The following DENND1A variants were observed in gnomAD, a reference collection of about 807,000 sequenced individuals.
DENND1A encodes DENN domain-containing protein 1A.
In DENND1A, 51 loss-of-function variants were observed where a neutral mutation model predicts 113.7. The observed-to-expected ratio is 0.45, with a 90% CI of 0.36 to 0.57. The LOEUF (loss-of-function observed/expected upper bound fraction) is 0.57, where lower values mean the gene tolerates loss of function less well. Among genes scored for constraint, DENND1A ranks in the 20% least tolerant of loss-of-function variants. The pLI is 0.00. For missense variants in DENND1A, 1,258 were observed against 1,395.9 expected, an observed-to-expected ratio of 0.90 and a Z score of 1.57; for synonymous variants, 565 against 570.8, an observed-to-expected ratio of 0.99 and a Z score of 0.14.
intron 12 of DENND1A, among the ~76,000 whole-genome samples, chr9:123,560,538 G>C (rs1448413218): frequency 2.6e-5 from 4 of 151,880 alleles, no homozygotes; most frequent in African/African-American, 9.7e-5. Flanking sequence ...AATATAAAAA[G>C]ATTTAGCCAG....
chr9:123,515,678 T>A (rs904572771), intron 13 of DENND1A, among the ~76,000 whole-genome samples: 1 of 152,214 alleles, frequency 6.6e-6, no homozygotes, highest in Non-Finnish European at 1.5e-5. Context: ...TAGAGATGCT[T>A]ACTAATTAAT....
intron 19 of DENND1A, among the ~76,000 whole-genome samples, chr9:123,419,717 T>C (rs1203521820): frequency 1.3e-5 from 2 of 152,262 alleles, no homozygotes; most frequent in Non-Finnish European, 2.9e-5. Flanking sequence ...GCTTTTGATA[T>C]GCCTCCAAAA....
rs760329539 is a variant in DENND1A, at chr9:123,387,778, G to A, written c.1712C>T (p.Pro571Leu). 18 of 1,289,422 alleles carry A rather than the reference G, an allele frequency of 1.4e-5. No individual in the cohort carries two copies. The highest frequency in any genetic ancestry group is 4.6e-5 in the Admixed American group (2 of 43,518). The allele number at this position is 1,289,422 out of a possible 1,614,324, so 79.9% of individuals were successfully genotyped here. Residue 571 changes from proline (P) to leucine (L), a missense_variant, in exon 22 of 24, where the codon CCG becomes CTG. Pro to Leu is a moderately conservative substitution (Grantham distance 98). Around this residue, in one of 2 missense-constraint regions of DENND1A, gnomAD observed 1,159 missense variants for 1,231.7 expected, o/e 0.94. Coordinates refer to ENST00000394215, the MANE Select transcript of DENND1A (RefSeq NM_001352964.2). ...AAAGCTCTCGGTGAAGCCAGAGCTC[G>A]GGCCCTCTTCCCGCTGGCATTCATC... ...SDDECQREEG[P>L]SSGFTESFFF...
chr9:123,600,896 C>T (rs1373726504), intron 11 of DENND1A, among the ~76,000 whole-genome samples: 1 of 152,060 alleles, frequency 6.6e-6, no homozygotes, highest in Non-Finnish European at 1.5e-5. Flanking sequence ...GAACTCAGGT[C>T]CATATGACTC....
At chr9:123,652,946 A>C (rs1369227134) in intron 8 of DENND1A, among the ~76,000 whole-genome samples, 2 of 152,142 alleles carry the variant, frequency 1.3e-5, no homozygotes, top group African/African-American at 4.8e-5. Context: ...TTCTATACCC[A>C]CCTGACTTTA....
At chr9:123,803,792 T>C (rs1564301255) in intron 2 of DENND1A, among the ~76,000 whole-genome samples, 1 of 152,230 alleles carries the variant, frequency 6.6e-6, no homozygotes, top group East Asian at 1.9e-4. Flanking sequence ...CTTTTCTTTG[T>C]AGCTATATTC....
intron 2 of DENND1A, among the ~76,000 whole-genome samples, chr9:123,865,326 G>C (rs1423815697): frequency 6.6e-6 from 1 of 152,202 alleles, no homozygotes; most frequent in Non-Finnish European, 1.5e-5. Flanking sequence ...GCAAAAACAA[G>C]AGAAATTAGG....
At chr9:123,525,341 TG>T (rs1209563208) in intron 13 of DENND1A, among the ~76,000 whole-genome samples, 1 of 152,090 alleles carries the variant, frequency 6.6e-6, no homozygotes, top group Non-Finnish European at 1.5e-5. Flanking sequence ...TGGGGGTAAG[TG>T]GGAAGATGAC....
intron 15 of DENND1A, among the ~76,000 whole-genome samples, chr9:123,455,254 T>C (rs2048029585): frequency 6.6e-6 from 1 of 152,200 alleles, no homozygotes; most frequent in African/African-American, 2.4e-5. Flanking sequence ...GTACCCTGAC[T>C]GCAAACTCAG....
chr9:123,479,954 T>A (rs1439457239), intron 13 of DENND1A, among the ~76,000 whole-genome samples: 4 of 152,192 alleles, frequency 2.6e-5, no homozygotes, highest in Non-Finnish European at 5.9e-5. Flanking sequence ...GGAAGGCAAA[T>A]GTCAGCTGAA....
chr9:123,787,264 G>A (rs1832329597), intron 3 of DENND1A, among the ~76,000 whole-genome samples: 1 of 152,106 alleles, frequency 6.6e-6, no homozygotes, highest in East Asian at 1.9e-4. Context: ...TCTTTTCATA[G>A]TAACAAAAAT....
intron 10 of DENND1A, among the ~76,000 whole-genome samples, chr9:123,625,030 C>T (rs1471857176): frequency 5.3e-5 from 8 of 152,162 alleles, no homozygotes; most frequent in Non-Finnish European, 1.2e-4. Context: ...TCCCGCCTCC[C>T]CATCACGGGT....
chr9:123,540,020 C>T (rs1030962531), intron 13 of DENND1A, among the ~76,000 whole-genome samples: 3 of 152,054 alleles, frequency 2.0e-5, no homozygotes, highest in Non-Finnish European at 4.4e-5. Flanking sequence ...TGAATGCCAA[C>T]ACTTCTTTGT....
At chr9:123,723,780 A>G (rs1256546518) in intron 5 of DENND1A, among the ~76,000 whole-genome samples, 13 of 152,164 alleles carry the variant, frequency 8.5e-5, no homozygotes, top group Non-Finnish European at 1.5e-5. Context: ...AGTCTCAGGT[A>G]TATCTTTATC....
chr9:123,738,151 A>C (rs1485418472), intron 5 of DENND1A, among the ~76,000 whole-genome samples: 1 of 152,252 alleles, frequency 6.6e-6, no homozygotes, highest in African/African-American at 2.4e-5. Context: ...AATGAAATTA[A>C]ATGTAAAACA....
intron 5 of DENND1A, among the ~76,000 whole-genome samples, chr9:123,740,685 C>T (rs561661095): frequency 1.3e-5 from 2 of 152,136 alleles, no homozygotes; most frequent in South Asian, 4.2e-4. Context: ...ACAAAGTAGG[C>T]CTCATTATCT....
intron 12 of DENND1A, among the ~76,000 whole-genome samples, chr9:123,564,155 G>A (rs1359006339): frequency 1.3e-5 from 2 of 152,166 alleles, no homozygotes; most frequent in African/African-American, 4.8e-5. Flanking sequence ...CTATTCTTTA[G>A]CCCTTTATAT....
At chr9:123,567,659 G>A (rs1323656782) in intron 12 of DENND1A, among the ~76,000 whole-genome samples, 1 of 152,156 alleles carries the variant, frequency 6.6e-6, no homozygotes, top group African/African-American at 2.4e-5. Context: ...TAATTCTACA[G>A]ATCAGCAGTA....
At chr9:123,755,161 C>T (rs565445515) in intron 5 of DENND1A, among the ~76,000 whole-genome samples, 41 of 145,764 alleles carry the variant, frequency 2.8e-4, no homozygotes, top group African/African-American at 9.4e-4. Context: ...CTTGCTCTGT[C>T]GCCCAGACTG....
Sources: gnomAD v4.1 joint callset for allele counts (sites outside exome capture counted in the v4.1 genomes callset) on GRCh38, gnomAD v4.1.1 for gene constraint, gnomAD v4.1.1 regional missense constraint, MANE v1.5 for transcripts, NCBI Gene and HGNC (gene_info 2026-07-23, HGNC 2026-07-21) for gene names.